Variants in ECT2 observed in about 807,000 individuals in gnomAD.
The protein encoded by ECT2 is epithelial cell transforming 2.
ECT2 carries 61 observed loss-of-function variants against 116.9 expected under a neutral mutation model. The ratio of observed to expected loss-of-function variants is 0.52; its 90% CI spans 0.42 to 0.65. The LOEUF is 0.65. Among genes scored for constraint, ECT2 ranks in the 30% least tolerant of loss-of-function variants. The probability of loss-of-function intolerance (pLI) is 0.00; values close to 1 mark genes in which losing one functional copy is unlikely to be tolerated. For missense variants in ECT2, 937 were observed against 1,078.7 expected, an observed-to-expected ratio of 0.87 and a Z score of 1.84; for synonymous variants, 358 against 346.4, an observed-to-expected ratio of 1.03 and a Z score of -0.37.
intron 24 of ECT2, among the ~76,000 whole-genome samples, chr3:172,819,661 C>A (rs558303855): frequency 2.6e-5 from 4 of 152,084 alleles, no homozygotes; most frequent in Non-Finnish European, 2.9e-5. Context: ...CACTCTGACA[C>A]TCACATATGT....
chr3:172,786,847 C>T (rs545430056), intron 18 of ECT2, among the ~76,000 whole-genome samples: 2 of 152,256 alleles, frequency 1.3e-5, no homozygotes, highest in African/African-American at 4.8e-5. Flanking sequence ...GCATTTTCTT[C>T]ATATAACTCT....
intron 14 of ECT2, among the ~76,000 whole-genome samples, chr3:172,779,068 C>T (rs937163574): frequency 2.0e-5 from 3 of 151,988 alleles, no homozygotes; most frequent in Non-Finnish European, 4.4e-5. Flanking sequence ...TAGAGGAATC[C>T]CTAACAGATA....
At chr3:172,828,545 A>G in the ECT2 span, among the ~76,000 whole-genome samples, 2 of 152,188 alleles carry the variant, frequency 1.3e-5, no homozygotes, top group African/African-American at 4.8e-5. Context: ...CCAAGCCGAC[A>G]GCATTATCAT....
At chr3:172,780,163 A>ATATACATAGCATAGCAAATAG (rs1722440881) in intron 14 of ECT2, among the ~76,000 whole-genome samples, 1 of 152,126 alleles carries the variant, frequency 6.6e-6, no homozygotes, top group African/African-American at 2.4e-5. Flanking sequence ...TAGCATATAG[A>ATATACATAGCATAGCAAATAG]TATACTATTT....
downstream of ECT2, among the ~76,000 whole-genome samples, chr3:172,823,856 A>G (rs1730779388): frequency 6.6e-6 from 1 of 151,252 alleles, no homozygotes; most frequent in Admixed American, 6.6e-5. Flanking sequence ...GATACATAAT[A>G]TTTGTATTAT....
chr3:172,800,903 A>C (rs969838530), intron 18 of ECT2, among the ~76,000 whole-genome samples: 1 of 152,222 alleles, frequency 6.6e-6, no homozygotes, highest in African/African-American at 2.4e-5. Context: ...GATACAATCA[A>C]ATCTCACCAA....
chr3:172,785,333 A>C (rs1422719374), intron 17 of ECT2, among the ~76,000 whole-genome samples: 1 of 152,136 alleles, frequency 6.6e-6, no homozygotes, highest in Non-Finnish European at 1.5e-5. Flanking sequence ...TGTGGTAAAA[A>C]ATGTGTATGT....
At chr3:172,773,858 T>G in intron 13 of ECT2, 45 bp from the exon 14 acceptor site, 1 of 1,580,720 alleles carries the variant, frequency 6.3e-7, no homozygotes, top group South Asian at 1.1e-5. Context: ...TTAGCTCTTT[T>G]CTTTTTCCCA....
chr3:172,828,789 C>CA, the ECT2 span: 1 of 684,840 alleles, frequency 1.5e-6, no homozygotes, highest in South Asian at 1.6e-5. Context: ...CCCATGGCCT[C>CA]AGACAGGCCA....
intron 12 of ECT2, among the ~76,000 whole-genome samples, chr3:172,764,773 G>A (rs1719005658): frequency 6.6e-6 from 1 of 152,190 alleles, no homozygotes; most frequent in South Asian, 2.1e-4. Flanking sequence ...ATACAGAGAA[G>A]TTAAGTAATT....
At chr3:172,784,951 A>G in intron 17 of ECT2, 148 bp downstream of exon 17, 1 of 480,368 alleles carries the variant, frequency 2.1e-6, no homozygotes. Context: ...ATCTTAAAAA[A>G]TAGTTACTGG....
chr3:172,822,403 G>T (rs62281242), downstream of ECT2, among the ~76,000 whole-genome samples: 15,615 of 151,818 alleles, frequency 0.1, 1,040 homozygotes, highest in Non-Finnish European at 0.15. Flanking sequence ...GAGGTTAAAA[G>T]AATAATCTGG....
intron 24 of ECT2, 80 bp from the exon 25 acceptor site, chr3:172,820,068 A>T (rs557759862): frequency 3.2e-6 from 3 of 934,168 alleles, no homozygotes; most frequent in African/African-American, 3.4e-5. Flanking sequence ...TGTAAAAATA[A>T]TAGGCATGAT....
At chr3:172,805,624 A>G in intron 20 of ECT2, 107 bp from the exon 21 acceptor site, 1 of 1,089,278 alleles carries the variant, frequency 9.2e-7, no homozygotes, top group Non-Finnish European at 1.3e-6. Context: ...AATAATAACT[A>G]AATAAGTTAT....
rs35662143 is a variant in ECT2, at chr3:172,820,860, AT to A, written c.*628del. 2 of 151,926 alleles carry A rather than the reference AT, an allele frequency of 1.3e-5. No individual in the cohort carries two copies. Among genetic ancestry groups the A allele is most frequent in the Admixed American group, 1.3e-4 (2 of 15,236 alleles). The allele number at this position is 151,926 out of a possible 1,614,324, so 9.4% of individuals were successfully genotyped here. ...CATTTAAAGGAGATTGTTTCAAAAT[AT>A]TTTTGCAAATTGAGATAAGGACAGA... is the stretch of plus-strand genomic sequence containing the variant. On this transcript the variant is annotated 3_prime_UTR_variant, in exon 25 of 25. Coordinates refer to ENST00000392692, the MANE Select transcript of ECT2 (RefSeq NM_001258315.2).
At chr3:172,794,745 C>G (rs1020136046) in intron 18 of ECT2, among the ~76,000 whole-genome samples, 2 of 152,082 alleles carry the variant, frequency 1.3e-5, no homozygotes, top group Admixed American at 6.5e-5. Flanking sequence ...GAAACGGAGT[C>G]TCAGTGTCAC....
intron 21 of ECT2, among the ~76,000 whole-genome samples, chr3:172,806,551 A>G (rs1577019337): frequency 6.8e-6 from 1 of 147,798 alleles, no homozygotes; most frequent in East Asian, 2.0e-4. Context: ...TCTTTCCATT[A>G]CTGATTCCTC....
At chr3:172,820,081 T>C (rs575915515) in intron 24 of ECT2, 67 bp from the exon 25 acceptor site, 5 of 1,217,930 alleles carry the variant, frequency 4.1e-6, no homozygotes, top group East Asian at 4.8e-5. Flanking sequence ...GGCATGATAC[T>C]GAACTGTATT....
Position 172,755,647 on chromosome 3 carries a change from T to C in ECT2, c.303+72T>C, listed in dbSNP as rs1716834826. Reference sequence around the variant, plus strand: ...ATTGTATTATTCTACTTTCTGGTGATTGGAATTAGGCACAAGGTGTATTGT... The same window carrying C: ...ATTGTATTATTCTACTTTCTGGTGACTGGAATTAGGCACAAGGTGTATTGT... On this transcript the variant is annotated intron_variant, in intron 4 of 24. Transcript: ENST00000392692. The C allele has an allele frequency of 2.1e-5, 17 of 828,772 alleles. No homozygotes were observed. The South Asian group carries it at 2.9e-4, about 14-fold the overall frequency. 51.3% of individuals were successfully genotyped at this position (828,772 alleles called of 1,614,324 possible). A position where few individuals can be genotyped will look rare whatever the true frequency, so the allele number is the denominator to read the frequency against.
Sources: allele counts gnomAD v4.1 joint callset (sites outside exome capture counted in the v4.1 genomes callset), GRCh38; gene constraint gnomAD v4.1.1; transcripts MANE v1.5; gene names NCBI Gene and HGNC (gene_info 2026-07-23, HGNC 2026-07-21).